Variants in PRKCE observed in about 807,000 individuals in gnomAD.
PRKCE encodes protein kinase C epsilon, also known as protein kinase C epsilon type.
PRKCE carries 16 observed loss-of-function variants against 85.4 expected under a neutral mutation model. The ratio of observed to expected loss-of-function variants is 0.19; its 90% CI spans 0.13 to 0.28. PRKCE has a LOEUF of 0.28. Among genes scored for constraint, PRKCE ranks in the 10% least tolerant of loss-of-function variants. The pLI, the probability that PRKCE is intolerant of heterozygous loss-of-function variation, is 1.00. For synonymous variants in PRKCE, 388 were observed against 371.5 expected, an observed-to-expected ratio of 1.04 and a Z score of -0.51; for missense variants, 573 against 975.2, an observed-to-expected ratio of 0.59 and a Z score of 5.49.
At chr2:46,111,626 A>C (rs1323115896) in intron 11 of PRKCE, among the ~76,000 whole-genome samples, 1 of 152,168 alleles carries the variant, frequency 6.6e-6, no homozygotes, top group African/African-American at 2.4e-5. Context: ...CTTTTATTTA[A>C]CATTATGCTT....
At position 46,169,077 on chromosome 2, in the gene PRKCE, C is replaced by T. The variant is rs890375874; in HGVS notation, c.2067+9325C>T. On this transcript the variant is annotated intron_variant, in intron 14 of 14. Transcript: ENST00000306156. ...ATTTGTTCCCTGAAGGGTACAGGCA[C>T]CAAGGGGCACTTTGCAAGCTGACTG... 5.3e-5 allele frequency among the ~76,000 whole-genome samples: 8 copies of T among 152,178 alleles called. No homozygotes were observed. In the South Asian group the frequency reaches 1.7e-3, roughly 31 times the overall value.
At chr2:46,055,231 G>C (rs964571114) in intron 10 of PRKCE, among the ~76,000 whole-genome samples, 1 of 152,194 alleles carries the variant, frequency 6.6e-6, no homozygotes, top group Non-Finnish European at 1.5e-5. Flanking sequence ...CACCACCTTA[G>C]ATGCTGCCAC....
rs917986169 is a variant in PRKCE, at chr2:45,905,978, C to T, written c.412+62915C>T. 8.5e-5 allele frequency among the ~76,000 whole-genome samples: 13 copies of T among 152,302 alleles called. No individual in the cohort carries two copies. The highest frequency in any genetic ancestry group is 4.2e-4 in the South Asian group (2 of 4,818). On this transcript the variant is annotated intron_variant, in intron 2 of 14. Coordinates refer to ENST00000306156, the MANE Select transcript of PRKCE (RefSeq NM_005400.3). The surrounding 1 kb of genome is among the most constrained non-coding windows in gnomAD (Gnocchi z 4.4). ...GGGCAGGCTATCTTCAGCGGTGATG[C>T]GCTTTCAACCCTCCTCCCCTACCCA...
chr2:45,691,603 G>A (rs1363565085), intron 1 of PRKCE, among the ~76,000 whole-genome samples: 1 of 152,194 alleles, frequency 6.6e-6, no homozygotes, highest in Admixed American at 6.5e-5. Context: ...AAGTGCATCA[G>A]TATCAATATT....
chr2:45,804,987 T>C (rs996910706), intron 1 of PRKCE, among the ~76,000 whole-genome samples: 3 of 151,422 alleles, frequency 2.0e-5, no homozygotes, highest in East Asian at 3.9e-4. Context: ...TTCTGTTTTA[T>C]GCTAGAAGAG....
At chr2:45,948,918 G>T (rs1274115065) in intron 2 of PRKCE, among the ~76,000 whole-genome samples, 1 of 152,164 alleles carries the variant, frequency 6.6e-6, no homozygotes, top group Non-Finnish European at 1.5e-5. Context: ...AGATTTATCT[G>T]TGATATAGAT....
At chr2:46,160,482 G>C (rs2278775) in intron 14 of PRKCE, among the ~76,000 whole-genome samples, 38 of 152,206 alleles carry the variant, frequency 2.5e-4, no homozygotes, top group Non-Finnish European at 4.9e-4. Context: ...AAGTTACAGC[G>C]TGTGTTATCT....
At chr2:46,039,341 G>T (rs1214922341) in intron 10 of PRKCE, among the ~76,000 whole-genome samples, 2 of 152,138 alleles carry the variant, frequency 1.3e-5, no homozygotes, top group South Asian at 4.1e-4. Context: ...GTTCCAGGGA[G>T]CTTGGAAGCC....
intron 14 of PRKCE, among the ~76,000 whole-genome samples, chr2:46,170,029 G>C (rs1028962747): frequency 2.0e-5 from 3 of 152,202 alleles, no homozygotes. Flanking sequence ...CCAGCCATGT[G>C]AGAGCAGGGA....
intron 1 of PRKCE, among the ~76,000 whole-genome samples, chr2:45,772,923 T>C (rs1383223771): frequency 6.6e-6 from 1 of 152,094 alleles, no homozygotes; most frequent in African/African-American, 2.4e-5. Flanking sequence ...TGTTTAGGTG[T>C]TTAGACTGGC....
chr2:46,051,600 A>G (rs1199776471), intron 10 of PRKCE, among the ~76,000 whole-genome samples: 1 of 152,134 alleles, frequency 6.6e-6, no homozygotes, highest in Non-Finnish European at 1.5e-5. Flanking sequence ...GCTGCATCTC[A>G]GTTGTTCATG....
intron 1 of PRKCE, among the ~76,000 whole-genome samples, chr2:45,784,236 G>A (rs1169323190): frequency 2.0e-5 from 3 of 152,272 alleles, no homozygotes; most frequent in African/African-American, 7.2e-5. Context: ...CCCAAGGAAG[G>A]AGCTGAAGAC....
chr2:45,749,992 A>T (rs1268803647), intron 1 of PRKCE, among the ~76,000 whole-genome samples: 2 of 152,106 alleles, frequency 1.3e-5, no homozygotes, highest in Admixed American at 1.3e-4. Context: ...AAAAATCTTC[A>T]CTTGTCTGCA....
At chr2:45,710,221 C>A (rs1051386127) in intron 1 of PRKCE, among the ~76,000 whole-genome samples, 1 of 152,234 alleles carries the variant, frequency 6.6e-6, no homozygotes, top group African/African-American at 2.4e-5. Context: ...CTATCACTAT[C>A]CTCATATGAC....
At chr2:45,963,165 T>G (rs1701494170) in intron 2 of PRKCE, among the ~76,000 whole-genome samples, 1 of 152,102 alleles carries the variant, frequency 6.6e-6, no homozygotes, top group Non-Finnish European at 1.5e-5. Flanking sequence ...GGCAAGCTCG[T>G]TTCCTGATCA....
intron 11 of PRKCE, among the ~76,000 whole-genome samples, chr2:46,095,129 A>G (rs984459641): frequency 1.1e-4 from 17 of 152,200 alleles, no homozygotes; most frequent in Admixed American, 8.5e-4. Context: ...TTCTGGAACT[A>G]TCATTCAGAT....
chr2:45,711,677 G>T (rs1158845302), intron 1 of PRKCE, among the ~76,000 whole-genome samples: 1 of 152,136 alleles, frequency 6.6e-6, no homozygotes. Flanking sequence ...CACCAGGCTG[G>T]AGTGCAATGG....
At chr2:45,835,847 A>C (rs560092661) in intron 1 of PRKCE, among the ~76,000 whole-genome samples, 1 of 152,220 alleles carries the variant, frequency 6.6e-6, no homozygotes, top group East Asian at 1.9e-4. Context: ...CTCCTGCCTC[A>C]GCTTCCCAAA....
In PRKCE at chr2:45,935,721, G is replaced by T. The variant is rs1699396064; in HGVS notation, c.413-40708G>T. The stretch of plus-strand genomic sequence containing the variant: ...AATTGCTTGAACCCAGGAGGCAGAG[G>T]TTGCAGTGAGCCAAGATCATGCCAC... On this transcript the variant is annotated intron_variant, in intron 2 of 14. Coordinates refer to ENST00000306156, the MANE Select transcript of PRKCE (RefSeq NM_005400.3). Among the ~76,000 whole-genome samples the T allele has an allele frequency of 2.0e-5, 3 of 151,066 alleles. No homozygotes were observed. The South Asian group carries it at 6.3e-4, about 32-fold the overall frequency.
Sources: gnomAD v4.1 joint callset for allele counts (sites outside exome capture counted in the v4.1 genomes callset) on GRCh38, gnomAD v4.1.1 for gene constraint, Gnocchi (gnomAD v3.1) non-coding constraint, MANE v1.5 for transcripts, NCBI Gene and HGNC (gene_info 2026-07-23, HGNC 2026-07-21) for gene names.